PPP2R2B: variants seen among roughly 807,000 people sequenced by gnomAD.
The protein encoded by PPP2R2B is serine/threonine-protein phosphatase 2A 55 kDa regulatory subunit B beta isoform.
PPP2R2B carries 5 observed loss-of-function variants against 46.0 expected under a neutral mutation model. The observed-to-expected ratio is 0.11, with a 90% CI of 0.06 to 0.23. The LOEUF (loss-of-function observed/expected upper bound fraction) is 0.23, where lower values mean the gene tolerates loss of function less well. Among genes scored for constraint, PPP2R2B ranks in the 10% least tolerant of loss-of-function variants. PPP2R2B has a pLI of 1.00. For missense variants in PPP2R2B, 367 were observed against 575.0 expected, an observed-to-expected ratio of 0.64 and a Z score of 3.70; for synonymous variants, 215 against 206.7, an observed-to-expected ratio of 1.04 and a Z score of -0.34.
At chr5:146,907,991 C>T (rs905191220) in intron 1 of PPP2R2B, among the ~76,000 whole-genome samples, 1 of 152,220 alleles carries the variant, frequency 6.6e-6, no homozygotes, top group Non-Finnish European at 1.5e-5. Flanking sequence ...AGAAAAACTG[C>T]CGAGCAGAAC....
chr5:146,669,693 T>A (rs982284876), intron 5 of PPP2R2B, among the ~76,000 whole-genome samples: 1 of 152,194 alleles, frequency 6.6e-6, no homozygotes, highest in Non-Finnish European at 1.5e-5. Context: ...TTTACATACG[T>A]TACCTCCTTT....
intron 1 of PPP2R2B, among the ~76,000 whole-genome samples, chr5:146,964,750 T>A (rs1427377835): frequency 6.6e-6 from 1 of 151,920 alleles, no homozygotes; most frequent in Non-Finnish European, 1.5e-5. Context: ...TGGTCTCGAT[T>A]TCCTGACCTC....
At chr5:146,770,576 G>A (rs990652636) in intron 2 of PPP2R2B, among the ~76,000 whole-genome samples, 10 of 152,138 alleles carry the variant, frequency 6.6e-5, no homozygotes, top group East Asian at 5.8e-4. Context: ...GTAATTTAAC[G>A]TTTCTACTTT....
rs775806180 is a variant in PPP2R2B at position 146,691,169 on chromosome 5, C to T, written c.406G>A (p.Glu136Lys). 1 of 1,614,192 alleles carries T rather than the reference C, an allele frequency of 6.2e-7. No individual in the cohort carries two copies. The highest frequency in any genetic ancestry group is 1.1e-5 in the South Asian group (1 of 91,080). The part of the protein sequence containing the change: ...RPEGYNLKDE[E>K]GRLRDPATIT... Reference sequence around the variant, plus strand: ...GTGGCAGGATCCCGGAGCCGGCCCTCCTCATCTTTCAGATTGTAGCCTTCT... The same window carrying T: ...GTGGCAGGATCCCGGAGCCGGCCCTTCTCATCTTTCAGATTGTAGCCTTCT... The change falls in exon 5 of 10, where the codon GAG (glutamate) becomes AAG (lysine). Residue 136 changes from glutamate to lysine, a missense_variant. Transcript: ENST00000394411.
intron 2 of PPP2R2B, among the ~76,000 whole-genome samples, chr5:146,788,292 A>C (rs1582104736): frequency 6.6e-6 from 1 of 151,192 alleles, no homozygotes. Flanking sequence ...GGTAAATTCC[A>C]CACTCACCAG....
At chr5:147,054,559 T>C in intron 1 of PPP2R2B, 2 of 455,658 alleles carry the variant, frequency 4.4e-6, no homozygotes, top group Non-Finnish European at 8.8e-6. Context: ...TGATCCCAAA[T>C]GTCTACTCCC....
At chr5:146,685,566 A>G (rs545849326) in intron 5 of PPP2R2B, among the ~76,000 whole-genome samples, 77 of 152,304 alleles carry the variant, frequency 5.1e-4, no homozygotes, top group African/African-American at 1.8e-3. Flanking sequence ...TAATCTCATG[A>G]CCTTTTAGCA....
chr5:146,650,342 C>G (rs1427640881), intron 6 of PPP2R2B, among the ~76,000 whole-genome samples: 1 of 152,112 alleles, frequency 6.6e-6, no homozygotes, highest in African/African-American at 2.4e-5. Context: ...CAGAGCTAGC[C>G]CTGGCCTCCC....
rs879719816 is a variant in PPP2R2B at position 147,022,325 on chromosome 5, G to A, written c.79+33340C>T. ...GTAATCCCAGCACTTGTGGGAGGTC[G>A]AGGTGGGTGGATTACGAGGTCAGGA... On this transcript the variant is annotated intron_variant, in intron 1 of 8. Coordinates refer to the PPP2R2B transcript ENST00000336640. Among the ~76,000 whole-genome samples the A allele has an allele frequency of 5.3e-5, 8 of 151,992 alleles. No homozygotes were observed. The East Asian group carries it at 1.4e-3, about 26-fold the overall frequency.
At chr5:147,008,597 T>C (rs758315665) in intron 1 of PPP2R2B, among the ~76,000 whole-genome samples, 1 of 152,120 alleles carries the variant, frequency 6.6e-6, no homozygotes, top group Admixed American at 6.5e-5. Context: ...CCATGCTTCT[T>C]CATATCAAAA....
At chr5:146,661,346 A>G (rs1486751558) in intron 5 of PPP2R2B, among the ~76,000 whole-genome samples, 2 of 152,230 alleles carry the variant, frequency 1.3e-5, no homozygotes, top group East Asian at 3.8e-4. Flanking sequence ...TCTAGGGTGC[A>G]TAGAAGAAAC....
At chr5:146,799,758 T>A (rs1002307593) in intron 2 of PPP2R2B, among the ~76,000 whole-genome samples, 6 of 152,228 alleles carry the variant, frequency 3.9e-5, no homozygotes, top group African/African-American at 1.4e-4. Context: ...AGATGTTCTG[T>A]TTATAAAACT....
At chr5:146,943,485 C>T (rs142189262) in intron 1 of PPP2R2B, among the ~76,000 whole-genome samples, 60 of 152,258 alleles carry the variant, frequency 3.9e-4, no homozygotes, top group African/African-American at 1.3e-3. Context: ...CCCATTCAGC[C>T]CATGAGGTTG....
At chr5:146,838,902 A>G (rs139005882) in intron 2 of PPP2R2B, among the ~76,000 whole-genome samples, 17 of 152,352 alleles carry the variant, frequency 1.1e-4, no homozygotes, top group African/African-American at 3.1e-4. Context: ...TTAGAGGTTT[A>G]GCCCAGTCTT....
At chr5:146,871,719 A>G (rs1224668519) in intron 2 of PPP2R2B, among the ~76,000 whole-genome samples, 2 of 152,220 alleles carry the variant, frequency 1.3e-5, no homozygotes, top group Admixed American at 6.5e-5. Context: ...CATTTCTCCA[A>G]AAGATCCTGA....
chr5:147,039,252 C>T (rs1580841992), intron 1 of PPP2R2B, among the ~76,000 whole-genome samples: 1 of 152,126 alleles, frequency 6.6e-6, no homozygotes, highest in South Asian at 2.1e-4. Context: ...TTTTTATGTT[C>T]CCAGCCCTTA....
At chr5:146,944,216 A>G (rs2151831126) in intron 1 of PPP2R2B, among the ~76,000 whole-genome samples, 1 of 152,316 alleles carries the variant, frequency 6.6e-6, no homozygotes, top group Middle Eastern at 3.4e-3. Flanking sequence ...GATTGCCACT[A>G]CATATATTCT....
chr5:146,930,198 G>A (rs1763922011), intron 1 of PPP2R2B, among the ~76,000 whole-genome samples: 1 of 152,176 alleles, frequency 6.6e-6, no homozygotes, highest in Admixed American at 6.5e-5. Context: ...AGGAGTGGTT[G>A]CTTATACTGA....
intron 1 of PPP2R2B, among the ~76,000 whole-genome samples, chr5:146,962,084 C>T (rs988815670): frequency 1.4e-5 from 2 of 147,004 alleles, no homozygotes; most frequent in African/African-American, 5.1e-5. Context: ...CTCTTCGCAA[C>T]ATCCCTGCCC....
Sources: allele counts gnomAD v4.1 joint callset (sites outside exome capture counted in the v4.1 genomes callset), GRCh38; gene constraint gnomAD v4.1.1; transcripts MANE v1.5; gene names NCBI Gene and HGNC (gene_info 2026-07-23, HGNC 2026-07-21).